The following SEL1L3 variants were observed in gnomAD, a reference collection of about 807,000 sequenced individuals.
The protein encoded by SEL1L3 is SEL1L family member 3, also known as protein sel-1 homolog 3.
SEL1L3 carries 76 observed loss-of-function variants against 142.8 expected under a neutral mutation model. The observed-to-expected ratio is 0.53, with a 90% CI of 0.44 to 0.64. The LOEUF is 0.64. Ranked by LOEUF, SEL1L3 falls within the 30% of genes least tolerant of loss-of-function variation. SEL1L3 has a pLI of 0.00. For synonymous variants in SEL1L3, 504 were observed against 519.6 expected (o/e 0.97, Z 0.41); for missense variants, 1,262 against 1,381.7 (o/e 0.91, Z 1.37).
At chr4:25,724,061 G>A in the SEL1L3 span, among the ~76,000 whole-genome samples, 2 of 152,198 alleles carry the variant, frequency 1.3e-5, no homozygotes, top group African/African-American at 4.8e-5. Context: ...GGGCCCCAGA[G>A]AGTCACAATT....
intron 1 of SEL1L3, chr4:25,860,518 T>C (rs1717628809): frequency 6.6e-6 from 1 of 152,232 alleles, no homozygotes; most frequent in African/African-American, 2.4e-5. Context: ...AGCCTTGCCT[T>C]CAGTAGTATC....
At chr4:25,749,851 C>T (rs577530905) in intron 23 of SEL1L3, among the ~76,000 whole-genome samples, 2 of 152,160 alleles carry the variant, frequency 1.3e-5, no homozygotes, top group Non-Finnish European at 2.9e-5. Flanking sequence ...TACAATTTTA[C>T]ACAGTTGAAC....
chr4:25,762,413 T>C (rs1718432712), intron 20 of SEL1L3, among the ~76,000 whole-genome samples: 1 of 152,254 alleles, frequency 6.6e-6, no homozygotes, highest in Admixed American at 6.5e-5. Context: ...TGGTAGACTA[T>C]AAATCCCATA....
chr4:25,723,391 T>C, the SEL1L3 span, among the ~76,000 whole-genome samples: 44 of 152,212 alleles, frequency 2.9e-4, no homozygotes, highest in African/African-American at 1.0e-3. Context: ...ATGAGCTAAA[T>C]CACAGCCAAC....
chr4:25,818,068 G>A lies in SEL1L3; in HGVS notation c.1564+70C>T. On this transcript the variant is annotated intron_variant, in intron 9 of 23. Transcript: ENST00000399878. ...TTTAAGGCATAAATCACCAAAGAGG[G>A]TGAGTGAAACAGAGAAAAACAAGGA... The A allele has an allele frequency of 2.0e-6, 3 of 1,494,134 alleles. No individual in the cohort carries two copies. In the South Asian group the frequency reaches 3.9e-5, roughly 19 times the overall value. 92.6% of individuals were successfully genotyped at this position (1,494,134 alleles called of 1,614,324 possible).
intron 9 of SEL1L3, among the ~76,000 whole-genome samples, chr4:25,812,683 G>A (rs932079083): frequency 3.4e-5 from 5 of 147,968 alleles, no homozygotes; most frequent in African/African-American, 1.3e-4. Context: ...CTGCACTCTA[G>A]CTTGGGCAAC....
At chr4:25,783,562 G>A in intron 14 of SEL1L3, among the ~76,000 whole-genome samples, 1 of 152,192 alleles carries the variant, frequency 6.6e-6, no homozygotes, top group East Asian at 1.9e-4. Flanking sequence ...TTGGACATCG[G>A]TATGCATGCA....
the SEL1L3 span, among the ~76,000 whole-genome samples, chr4:25,734,669 A>G: frequency 0.017 from 2,567 of 152,088 alleles, 78 homozygotes; most frequent in African/African-American, 0.059. Flanking sequence ...CCCGGATCCA[A>G]GTGATTCTCA....
chr4:25,759,321 C>T (rs751588133), intron 20 of SEL1L3: 7 of 427,318 alleles, frequency 1.6e-5, no homozygotes, highest in South Asian at 3.0e-5. Context: ...CCGGGAGATC[C>T]GTCCTTTCTC....
chr4:25,842,695 C>A (rs1311722983), intron 2 of SEL1L3, among the ~76,000 whole-genome samples: 1 of 152,238 alleles, frequency 6.6e-6, no homozygotes, highest in African/African-American at 2.4e-5. Flanking sequence ...ACAAACTGTC[C>A]TTCCCTCTTG....
intron 9 of SEL1L3, 125 bp downstream of exon 9, chr4:25,818,013 T>C: frequency 2.0e-6 from 2 of 1,010,800 alleles, no homozygotes; most frequent in Non-Finnish European, 1.4e-6. Flanking sequence ...AAATCTGAAA[T>C]TAAACTAAAA....
chr4:25,821,350 T>C (rs1714739988), intron 7 of SEL1L3, among the ~76,000 whole-genome samples: 3 of 152,230 alleles, frequency 2.0e-5, no homozygotes, highest in African/African-American at 7.2e-5. Context: ...GGGTTCTTGA[T>C]CTCCTTAAAG....
At chr4:25,756,355 T>A (rs1341240240) in intron 23 of SEL1L3, 1 of 985,304 alleles carries the variant, frequency 1.0e-6, no homozygotes, top group East Asian at 1.1e-4. Flanking sequence ...TTCCTCTTAC[T>A]CAGCTTATGG....
chr4:25,831,270 C>T (rs894689218), intron 5 of SEL1L3, among the ~76,000 whole-genome samples: 3 of 151,208 alleles, frequency 2.0e-5, no homozygotes, highest in Non-Finnish European at 4.4e-5. Flanking sequence ...TACGTATTTT[C>T]CCTTCTATTA....
intron 17 of SEL1L3, 34 bp downstream of exon 17, chr4:25,776,243 A>G: frequency 6.9e-7 from 1 of 1,458,840 alleles, no homozygotes; most frequent in South Asian, 1.2e-5. Flanking sequence ...CAGACAGGGA[A>G]AAAAGTTTGC....
At chr4:25,777,012 A>C (rs1262414380) in intron 16 of SEL1L3, among the ~76,000 whole-genome samples, 1 of 152,072 alleles carries the variant, frequency 6.6e-6, no homozygotes, top group African/African-American at 2.4e-5. Flanking sequence ...CCAATTAAAG[A>C]TGAAAATTTA....
At chr4:25,769,532 A>G (rs1410521894) in intron 17 of SEL1L3, among the ~76,000 whole-genome samples, 1 of 152,236 alleles carries the variant, frequency 6.6e-6, no homozygotes, top group Non-Finnish European at 1.5e-5. Context: ...CATAGCCTGC[A>G]AAATCTATGT....
chr4:25,824,231 C>T (rs910963787), intron 6 of SEL1L3, among the ~76,000 whole-genome samples: 1 of 152,136 alleles, frequency 6.6e-6, no homozygotes, highest in African/African-American at 2.4e-5. Context: ...CAGCACGGGG[C>T]ACTAGATGGA....
the SEL1L3 span, among the ~76,000 whole-genome samples, chr4:25,737,707 G>A: frequency 6.6e-6 from 1 of 152,068 alleles, no homozygotes; most frequent in Admixed American, 6.6e-5. Context: ...GCATGCTCAA[G>A]TCCCTGATAT....
Sources: allele counts gnomAD v4.1 joint callset (sites outside exome capture counted in the v4.1 genomes callset), GRCh38; gene constraint gnomAD v4.1.1; transcripts MANE v1.5; gene names NCBI Gene and HGNC (gene_info 2026-07-23, HGNC 2026-07-21).